Variants in NCAM2 observed in about 807,000 individuals in gnomAD.
The protein encoded by NCAM2 is N-CAM-2.
In NCAM2, 30 loss-of-function variants were observed where a neutral mutation model predicts 98.1. That is an observed-to-expected ratio of 0.31 (90% CI 0.23 to 0.41). The LOEUF (loss-of-function observed/expected upper bound fraction) is 0.41. NCAM2 is among the 10% of genes least tolerant of loss of function. NCAM2 has a pLI of 1.00. For synonymous variants in NCAM2, 368 were observed against 342.4 expected (o/e 1.07, Z -0.83); for missense variants, 867 against 1,005.8 (o/e 0.86, Z 1.87).
chr21:21,489,099 T>C (rs1321463654), intron 15 of NCAM2, among the ~76,000 whole-genome samples: 4 of 152,086 alleles, frequency 2.6e-5, no homozygotes, highest in Admixed American at 6.5e-5. Flanking sequence ...CAAGCAACAC[T>C]CATGCCTCGG....
At chr21:21,002,809 AT>A (rs1353500997) in intron 1 of NCAM2, among the ~76,000 whole-genome samples, 5 of 152,098 alleles carry the variant, frequency 3.3e-5, no homozygotes, top group African/African-American at 1.2e-4. Flanking sequence ...AGGGACTATC[AT>A]TGTTTTTCAA....
intron 1 of NCAM2, among the ~76,000 whole-genome samples, chr21:21,278,623 T>G (rs946162332): frequency 6.6e-6 from 1 of 152,138 alleles, no homozygotes; most frequent in African/African-American, 2.4e-5. Flanking sequence ...AACCATTCTC[T>G]GAGTATTGGT....
intron 12 of NCAM2, chr21:21,463,987 A>G (rs1313177860): frequency 6.6e-6 from 1 of 152,138 alleles, no homozygotes; most frequent in Non-Finnish European, 1.5e-5. Flanking sequence ...TTAACCTACA[A>G]AGATGAAGAA....
At chr21:21,519,661 C>T (rs1988906352) in intron 16 of NCAM2, among the ~76,000 whole-genome samples, 1 of 151,996 alleles carries the variant, frequency 6.6e-6, no homozygotes, top group African/African-American at 2.4e-5. Context: ...GTGGTTAATT[C>T]CATGCTTATT....
intron 1 of NCAM2, among the ~76,000 whole-genome samples, chr21:21,240,309 A>G (rs1258734596): frequency 6.6e-6 from 1 of 151,944 alleles, no homozygotes; most frequent in Non-Finnish European, 1.5e-5. Flanking sequence ...TCAAAATTTT[A>G]TAGAGTTTTA....
rs28450950 is a variant in NCAM2, at chr21:21,265,642, T to C, written c.56-14936T>C. Among the ~76,000 whole-genome samples the C allele has an allele frequency of 0.015, 2,291 of 151,362 alleles. 66 individuals are homozygous for C. In the East Asian group the frequency reaches 0.16, roughly 10 times the overall value. ...CATGGAGCTAGAGGCCATTATCCTA[T>C]GTGAAATAACTCAGAAACAGAAAAA... On this transcript the variant is annotated intron_variant, in intron 1 of 17. Transcript: ENST00000400546.
intron 15 of NCAM2, among the ~76,000 whole-genome samples, chr21:21,501,111 T>C (rs909650743): frequency 1.3e-5 from 2 of 152,058 alleles, no homozygotes; most frequent in Non-Finnish European, 2.9e-5. Flanking sequence ...CTTTGTATAT[T>C]CAAGGGAATT....
At chr21:21,142,007 A>C (rs1416031105) in intron 1 of NCAM2, among the ~76,000 whole-genome samples, 1 of 152,214 alleles carries the variant, frequency 6.6e-6, no homozygotes, top group Admixed American at 6.5e-5. Context: ...TAGAAAGTTC[A>C]TCTGAGTGTT....
intron 15 of NCAM2, among the ~76,000 whole-genome samples, chr21:21,493,259 G>GT (rs1452261704): frequency 1.3e-5 from 2 of 151,832 alleles, no homozygotes; most frequent in African/African-American, 2.4e-5. Context: ...AATATGTGGA[G>GT]TTTTTTTATT....
At chr21:21,479,233 A>G (rs1985543197) in intron 15 of NCAM2, among the ~76,000 whole-genome samples, 1 of 152,140 alleles carries the variant, frequency 6.6e-6, no homozygotes, top group Admixed American at 6.5e-5. Context: ...AAAATCAAAA[A>G]AATAGATTTT....
chr21:21,537,338 C>T lies in NCAM2; in HGVS notation c.2403-508C>T, dbSNP rs146896403. On this transcript the variant is annotated intron_variant, in intron 17 of 17. Coordinates refer to ENST00000400546, the MANE Select transcript of NCAM2 (RefSeq NM_004540.5). ...CTAGGATTACAAGCATGAGCCACCA[C>T]GCCCAGCCTGGTTTCTGAATTTTAT... Among the ~76,000 whole-genome samples, 62 of 152,202 alleles carry T rather than the reference C, an allele frequency of 4.1e-4. 1 individual carries two copies. In the East Asian group the frequency reaches 0.01, roughly 26 times the overall value.
At position 21,149,441 on chromosome 21, in the gene NCAM2, C is replaced by T. The variant is rs2212627; in HGVS notation, c.56-131137C>T. ...TACCTTAAGTTCTGGGATACATGTGCAGAATGTGCAGGTTTGTTACATAGG... is the reference window on the plus strand; with the variant it reads ...TACCTTAAGTTCTGGGATACATGTGTAGAATGTGCAGGTTTGTTACATAGG... On this transcript the variant is annotated intron_variant, in intron 1 of 17. Transcript: ENST00000400546. Among the ~76,000 whole-genome samples, 262 of 152,166 alleles carry T rather than the reference C, an allele frequency of 1.7e-3. 2 individuals carry two copies. Among genetic ancestry groups the T allele is most frequent in the African/African-American group, 6.0e-3 (249 of 41,510 alleles).
rs74809676 is a variant in NCAM2, at chr21:21,516,250, A to C, written c.2282+7195A>C. ...AGGTCTACAGTCTCTGAGAAATAAG[A>C]ATAAAAATCCTTGCACAGGCATTTC... is the stretch of plus-strand genomic sequence containing the variant. On this transcript the variant is annotated intron_variant, in intron 16 of 17. Transcript: ENST00000400546. Among the ~76,000 whole-genome samples, 515 of 152,306 alleles carry C rather than the reference A, an allele frequency of 3.4e-3. 5 individuals carry two copies. The highest frequency in any genetic ancestry group is 0.012 in the African/African-American group (494 of 41,574).
intron 1 of NCAM2, among the ~76,000 whole-genome samples, chr21:21,153,521 T>G (rs1001747361): frequency 1.3e-5 from 2 of 151,906 alleles, no homozygotes; most frequent in African/African-American, 4.8e-5. Flanking sequence ...ATGTGCATAT[T>G]TAAATGAACG....
intron 12 of NCAM2, among the ~76,000 whole-genome samples, chr21:21,451,615 G>A (rs1332669701): frequency 1.3e-5 from 2 of 152,054 alleles, no homozygotes; most frequent in Non-Finnish European, 2.9e-5. Flanking sequence ...ATTAAAAGCA[G>A]CATTTAACAA....
At chr21:21,378,434 G>T (rs1403805397) in intron 9 of NCAM2, among the ~76,000 whole-genome samples, 1 of 151,958 alleles carries the variant, frequency 6.6e-6, no homozygotes, top group African/African-American at 2.4e-5. Flanking sequence ...GTGATGCTGA[G>T]CACTTTTTTA....
At chr21:21,147,553 C>G (rs2067317191) in intron 1 of NCAM2, among the ~76,000 whole-genome samples, 1 of 151,062 alleles carries the variant, frequency 6.6e-6, no homozygotes, top group Non-Finnish European at 1.5e-5. Flanking sequence ...TACATACATG[C>G]CGTGGTATAC....
At chr21:21,510,953 C>A (rs1602529911) in intron 16 of NCAM2, among the ~76,000 whole-genome samples, 1 of 151,982 alleles carries the variant, frequency 6.6e-6, no homozygotes, top group Non-Finnish European at 1.5e-5. Flanking sequence ...AATATCCTGA[C>A]TTCATAGCAC....
intron 1 of NCAM2, among the ~76,000 whole-genome samples, chr21:21,277,433 A>G (rs2072768851): frequency 6.6e-6 from 1 of 152,118 alleles, no homozygotes; most frequent in Non-Finnish European, 1.5e-5. Context: ...TCTATCACAC[A>G]CTGTTTTGTA....
Sources: allele counts gnomAD v4.1 joint callset (sites outside exome capture counted in the v4.1 genomes callset), GRCh38; gene constraint gnomAD v4.1.1; transcripts MANE v1.5; gene names NCBI Gene and HGNC (gene_info 2026-07-23, HGNC 2026-07-21).